The following CEP85 variants were observed in gnomAD, a reference collection of about 807,000 sequenced individuals.
CEP85 encodes the protein centrosomal protein 85.
In CEP85, 58 loss-of-function variants were observed where a neutral mutation model predicts 93.7. That is an observed-to-expected ratio of 0.62 (90% confidence interval 0.50 to 0.77). The LOEUF (loss-of-function observed/expected upper bound fraction) is 0.77. Among genes scored for constraint, CEP85 ranks in the 30% least tolerant of loss-of-function variants. CEP85 has a pLI of 0.00. For synonymous variants in CEP85, 314 were observed against 338.6 expected (o/e 0.93, Z 0.80); for missense variants, 868 against 922.0 (o/e 0.94, Z 0.76).
chr1:26,271,982 C>T, intron 10 of CEP85, 39 bp from the exon 11 acceptor site: 1 of 1,608,620 alleles, frequency 6.2e-7, no homozygotes, highest in South Asian at 1.1e-5. Context: ...CACCGTCAGC[C>T]TTGTGCTCGC....
chr1:26,243,614 TG>T (rs2089461777), intron 2 of CEP85, among the ~76,000 whole-genome samples: 1 of 152,180 alleles, frequency 6.6e-6, no homozygotes, highest in East Asian at 1.9e-4. Context: ...CTATTAAATA[TG>T]ATTGTTTTCT....
rs1433438452 is a variant in CEP85 at position 26,258,246 on chromosome 1, T to A, written c.1141T>A (p.Leu381Met). ...GRPAPFGDVC[L>M]LRLQELQREN... ...CCCTGCCCCCTTTGGTGATGTCTGCTTGCTGAGGCTACAGGTAAGTATTGG... is the reference window on the plus strand; with the variant it reads ...CCCTGCCCCCTTTGGTGATGTCTGCATGCTGAGGCTACAGGTAAGTATTGG... The change falls in exon 6 of 14, where the codon TTG (leucine) becomes ATG (methionine). Residue 381 changes from leucine (L) to methionine (M), a missense_variant. Leu to Met is a conservative substitution (Grantham distance 15). Transcript: ENST00000451429. 1.2e-6 allele frequency: 2 copies of A among 1,611,950 alleles called. No individual in the cohort carries two copies. Among genetic ancestry groups the A allele is most frequent in the South Asian group, 1.1e-5 (1 of 91,042 alleles).
chr1:26,252,829 C>T (rs1008724429), intron 3 of CEP85, among the ~76,000 whole-genome samples: 4 of 152,186 alleles, frequency 2.6e-5, no homozygotes, highest in South Asian at 2.1e-4. Flanking sequence ...AAGGCTTGCA[C>T]GTCTTTTTTT....
rs116233351 is a variant in CEP85, at chr1:26,257,860, T to C, written c.1037+130T>C. The C allele has an allele frequency of 3.3e-3, 3,373 of 1,030,450 alleles. 81 individuals are homozygous for C. In the African/African-American group the frequency reaches 0.048, roughly 15 times the overall value. The allele number at this position is 1,030,450 out of a possible 1,614,324, so 63.8% of individuals were successfully genotyped here. On this transcript the variant is annotated intron_variant, in intron 5 of 13. Coordinates refer to ENST00000451429, the MANE Select transcript of CEP85 (RefSeq NM_001319944.2). ...TCCATGTCTTGCCTCATGGTGGAGG[T>C]AGTTTGATAAGCAGCCTAGTCGTGT...
chr1:26,244,847 A>G (rs908368883), intron 3 of CEP85, among the ~76,000 whole-genome samples: 2 of 152,062 alleles, frequency 1.3e-5, no homozygotes, highest in Non-Finnish European at 2.9e-5. Flanking sequence ...TGATAGGTTA[A>G]TTGGCCTCAA....
chr1:26,259,648 C>A lies in CEP85; in HGVS notation c.1187C>A (p.Ala396Glu). 1 of 1,611,138 alleles carries A rather than the reference C, an allele frequency of 6.2e-7. No homozygotes were observed. Among genetic ancestry groups the A allele is most frequent in the Non-Finnish European group, 8.5e-7 (1 of 1,179,006 alleles). Residue 396 changes from alanine (A) to glutamate (E), a missense_variant, in exon 7 of 14, where the codon GCA becomes GAA. Coordinates refer to ENST00000451429, the MANE Select transcript of CEP85 (RefSeq NM_001319944.2). ...CAGCGAGAAAACACTTTCTTACGTG[C>A]ACAGTTTGCACAGAAGACAGAAGCC... ...ELQRENTFLR[A>E]QFAQKTEALS...
chr1:26,275,493 A>T (rs1402187207), intron 12 of CEP85, among the ~76,000 whole-genome samples: 21 of 152,164 alleles, frequency 1.4e-4, no homozygotes, highest in African/African-American at 5.1e-4. Flanking sequence ...GTTGGCCAGA[A>T]TGGTCTTCAT....
chr1:26,235,697 C>T (rs1172099006), intron 1 of CEP85, among the ~76,000 whole-genome samples: 1 of 151,810 alleles, frequency 6.6e-6, no homozygotes, highest in East Asian at 1.9e-4. Flanking sequence ...CTCAGCCTCC[C>T]GAGTAGCTGG....
intron 5 of CEP85, 100 bp from the exon 6 acceptor site, chr1:26,258,043 T>G (rs2089735514): frequency 7.6e-6 from 6 of 794,578 alleles, no homozygotes; most frequent in Non-Finnish European, 1.3e-5. Flanking sequence ...ATATCCAGAA[T>G]CTAAGATCTT....
intron 12 of CEP85, among the ~76,000 whole-genome samples, chr1:26,275,770 T>G (rs1363053563): frequency 6.6e-6 from 1 of 152,092 alleles, no homozygotes; most frequent in Non-Finnish European, 1.5e-5. Context: ...CTCCTTGAGT[T>G]AGGATTGTCA....
intron 2 of CEP85, among the ~76,000 whole-genome samples, chr1:26,243,664 A>G (rs1173889764): frequency 6.6e-6 from 1 of 152,056 alleles, no homozygotes; most frequent in Non-Finnish European, 1.5e-5. Context: ...TCTTATTAAC[A>G]TCTTTGAATA....
chr1:26,250,765 G>T (rs766480623), intron 3 of CEP85, among the ~76,000 whole-genome samples: 2 of 152,048 alleles, frequency 1.3e-5, no homozygotes, highest in African/African-American at 4.8e-5. Flanking sequence ...ACCTGAGACA[G>T]TGTAACTTAT....
Position 26,277,286 on chromosome 1 carries a change from C to T in CEP85, c.2279C>T (p.Thr760Ile). ...CAGGACATGGGAGAAAACTGTGTCA[C>T]ACAGTGAGGAATTCTGGGGGATTCC... ...YAQDMGENCVTQ is the reference protein window; with the variant it reads ...YAQDMGENCVIQ Residue 760 changes from threonine (T) to isoleucine (I), a missense_variant, in exon 14 of 14, where the codon ACA becomes ATA. Physicochemically the swap from Thr to Ile is moderately conservative, Grantham distance 89. Coordinates refer to ENST00000451429, the MANE Select transcript of CEP85 (RefSeq NM_001319944.2). 1 of 1,610,848 alleles carries T rather than the reference C, an allele frequency of 6.2e-7. No individual in the cohort carries two copies. Among genetic ancestry groups the T allele is most frequent in the Non-Finnish European group, 8.5e-7 (1 of 1,177,138 alleles).
chr1:26,270,718 C>A (rs1327751147), intron 9 of CEP85, among the ~76,000 whole-genome samples: 1 of 152,196 alleles, frequency 6.6e-6, no homozygotes, highest in East Asian at 1.9e-4. Flanking sequence ...GACTTACAAT[C>A]TAAATACATG....
intron 1 of CEP85, among the ~76,000 whole-genome samples, chr1:26,235,564 A>ATTTTTTTTTTTTTT (rs1185542130): frequency 1.7e-4 from 12 of 69,546 alleles, no homozygotes; most frequent in African/African-American, 6.9e-4. Context: ...TTAGATTGTA[A>ATTTTTTTTTTTTTT]TTCTTTTTTT....
intron 3 of CEP85, among the ~76,000 whole-genome samples, chr1:26,247,076 T>C (rs1486349065): frequency 1.3e-5 from 2 of 152,164 alleles, no homozygotes; most frequent in African/African-American, 4.8e-5. Flanking sequence ...AGGAACCCTA[T>C]TGTGAAATGT....
intron 7 of CEP85, 108 bp downstream of exon 7, chr1:26,259,910 G>A: frequency 1.2e-6 from 1 of 842,610 alleles, no homozygotes; most frequent in Non-Finnish European, 1.8e-6. Context: ...ACAATTGGGT[G>A]AGATCCTCCA....
rs2090000355 is a variant in CEP85 at position 26,272,943 on chromosome 1, A to C, written c.1794+872A>C. The stretch of plus-strand genomic sequence containing the variant: ...CATGCCCAGCCTATTACAGCATGTA[A>C]TTGGGATGTGATGTGGTCAGGTTTG... On this transcript the variant is annotated intron_variant, in intron 11 of 13. Coordinates refer to ENST00000451429, the MANE Select transcript of CEP85 (RefSeq NM_001319944.2). Among the ~76,000 whole-genome samples, 3 of 152,036 alleles carry C rather than the reference A, an allele frequency of 2.0e-5. No homozygotes were observed. The South Asian group carries it at 6.2e-4, about 32-fold the overall frequency.
intron 3 of CEP85, among the ~76,000 whole-genome samples, chr1:26,253,786 A>T (rs910900907): frequency 3.9e-5 from 6 of 151,922 alleles, no homozygotes; most frequent in African/African-American, 1.4e-4. Context: ...TCACACCTGT[A>T]ATCCTAGCAC....
Sources: gnomAD v4.1 joint callset for allele counts (sites outside exome capture counted in the v4.1 genomes callset) on GRCh38, gnomAD v4.1.1 for gene constraint, MANE v1.5 for transcripts, NCBI Gene and HGNC (gene_info 2026-07-23, HGNC 2026-07-21) for gene names.